The following RIPK4 variants were observed in gnomAD, a reference collection of about 807,000 sequenced individuals.
The protein encoded by RIPK4 is receptor-interacting serine/threonine-protein kinase 4.
In RIPK4, 17 loss-of-function variants were observed where a neutral mutation model predicts 42.9. The ratio of observed to expected loss-of-function variants is 0.40; its 90% CI spans 0.27 to 0.59. RIPK4 has a LOEUF of 0.59. Among genes scored for constraint, RIPK4 ranks in the 20% least tolerant of loss-of-function variants. RIPK4 has a pLI of 0.47. For missense variants in RIPK4, 897 were observed against 1,104.4 expected, an observed-to-expected ratio of 0.81 and a Z score of 2.66; for synonymous variants, 498 against 499.1, an observed-to-expected ratio of 1.00 and a Z score of 0.03.
chr21:41,741,783 C>A lies in RIPK4; in HGVS notation c.1410G>T (p.Arg470Ser). 1 of 1,611,454 alleles carries A rather than the reference C, an allele frequency of 6.2e-7. No homozygotes were observed. Among genetic ancestry groups the A allele is most frequent in the Non-Finnish European group, 8.5e-7 (1 of 1,180,020 alleles). ...CGGCCATGTGCAACGGGGTGGAGCC[C>A]CTACGGTTGCTCAGGTTGGGGTTGG... is the stretch of plus-strand genomic sequence containing the variant. ...NNANPNLSNR[R>S]GSTPLHMAVE... Residue 470 changes from arginine (R) to serine (S), a missense_variant, in exon 8 of 8, where the codon AGG (arginine) becomes AGT (serine). Transcript: ENST00000332512.
intron 4 of RIPK4, among the ~76,000 whole-genome samples, chr21:41,748,691 G>A (rs551180443): frequency 2.6e-5 from 4 of 152,306 alleles, no homozygotes; most frequent in Non-Finnish European, 5.9e-5. Context: ...AAACAAAAAA[G>A]AATTAGCTGG....
rs56056485 is a variant in RIPK4 at position 41,741,331 on chromosome 21, C to T, written c.1862G>A (p.Arg621His). 55 of 1,609,012 alleles carry T rather than the reference C, an allele frequency of 3.4e-5. No homozygotes were observed. The highest frequency in any genetic ancestry group is 1.7e-4 in the African/African-American group (13 of 74,850). The stretch of plus-strand genomic sequence containing the variant: ...GTCGGAGCACAGGTCGATGAGGATG[C>T]GGGCCACGCGGTAGTGCCCGCGCTG... Reference protein sequence around the residue: ...AAQRGHYRVARILIDLCSDVN... With the variant: ...AAQRGHYRVAHILIDLCSDVN... The change falls in exon 8 of 8, where the codon CGC (arginine) becomes CAC (histidine). Residue 621 changes from arginine (R) to histidine (H), a missense_variant. Coordinates refer to ENST00000332512, the MANE Select transcript of RIPK4 (RefSeq NM_020639.3).
At chr21:41,750,233 G>A (rs543408296) in intron 3 of RIPK4, among the ~76,000 whole-genome samples, 2 of 152,346 alleles carry the variant, frequency 1.3e-5, no homozygotes, top group South Asian at 4.1e-4. Context: ...CGGGGTCCGA[G>A]TCACAGTGCT....
At chr21:41,766,808 C>G in intron 1 of RIPK4, 52 bp downstream of exon 1, 1 of 1,558,812 alleles carries the variant, frequency 6.4e-7, no homozygotes, top group Non-Finnish European at 8.7e-7. Flanking sequence ...CACCCCGACC[C>G]CGACCCCAGC....
chr21:41,745,616 T>A (rs2061168105), intron 6 of RIPK4, 143 bp downstream of exon 6: 2 of 642,940 alleles, frequency 3.1e-6, no homozygotes, highest in Non-Finnish European at 5.5e-6. Context: ...GGACCTACAC[T>A]TCTAATGGAG....
chr21:41,749,337 C>A, intron 3 of RIPK4, 134 bp from the exon 4 acceptor site: 1 of 822,034 alleles, frequency 1.2e-6, no homozygotes. Context: ...CGAGATATTT[C>A]TCCTGTTTTT....
Position 41,746,882 on chromosome 21 carries a change from C to G in RIPK4, c.674-111G>C, listed in dbSNP as rs541790408. On this transcript the variant is annotated intron_variant, in intron 4 of 7. Transcript: ENST00000332512. ...GGGCCACAATGGGGCCATCCCCACA[C>G]CACCCCAGGGAGACGGCTCCCCCAC... 3.4e-5 allele frequency: 43 copies of G among 1,262,740 alleles called. No individual in the cohort carries two copies. In the African/African-American group the frequency reaches 5.4e-4, roughly 16 times the overall value. 78.2% of individuals were successfully genotyped at this position (1,262,740 alleles called of 1,614,324 possible). A position where few individuals can be genotyped will look rare whatever the true frequency, so the allele number is the denominator to read the frequency against.
intron 1 of RIPK4, among the ~76,000 whole-genome samples, chr21:41,758,023 T>G: frequency 2.2e-5 from 1 of 46,424 alleles, no homozygotes; most frequent in African/African-American, 1.3e-4. Flanking sequence ...AAAAAAAAAA[T>G]ATATATATAT....
chr21:41,752,785 G>A (rs1245774653), intron 2 of RIPK4, among the ~76,000 whole-genome samples: 1 of 152,180 alleles, frequency 6.6e-6, no homozygotes, highest in African/African-American at 2.4e-5. Context: ...AGAACACATG[G>A]ACAGAGGGAG....
At chr21:41,746,027 C>G (rs2061169661) in intron 5 of RIPK4, 165 bp from the exon 6 acceptor site, 1 of 733,962 alleles carries the variant, frequency 1.4e-6, no homozygotes, top group African/African-American at 1.7e-5. Context: ...AATTTGCTGG[C>G]CAAACCCAGG....
chr21:41,742,152 C>T lies in RIPK4; in HGVS notation c.1196-155G>A, dbSNP rs1266512727. Among the ~76,000 whole-genome samples the T allele has an allele frequency of 3.9e-5, 6 of 152,102 alleles. No homozygotes were observed. The highest frequency in any genetic ancestry group is 1.9e-4 in the East Asian group (1 of 5,174). Reference sequence around the variant, plus strand: ...CTGTGTTTGAGCGTTGTCTGTGCCTCGTGATTAAGGTCAGTCCTAGCGGGA... The same window carrying T: ...CTGTGTTTGAGCGTTGTCTGTGCCTTGTGATTAAGGTCAGTCCTAGCGGGA... On this transcript the variant is annotated intron_variant, in intron 7 of 7. Transcript: ENST00000332512. This position sits in a 1 kb window ranked among gnomAD's most constrained non-coding sequence, Gnocchi z 5.1.
chr21:41,749,123 C>A, intron 4 of RIPK4, 31 bp downstream of exon 4: 1 of 1,611,694 alleles, frequency 6.2e-7, no homozygotes, highest in Non-Finnish European at 8.5e-7. Flanking sequence ...GAAAGACAAG[C>A]ACATTACACC....
intron 6 of RIPK4, among the ~76,000 whole-genome samples, chr21:41,744,842 A>C (rs2061165918): frequency 6.6e-6 from 1 of 152,200 alleles, no homozygotes; most frequent in African/African-American, 2.4e-5. Flanking sequence ...GGGGTGATCC[A>C]ATCCGACATA....
chr21:41,758,035 TATATATAGAG>T (rs1348790995), intron 1 of RIPK4, among the ~76,000 whole-genome samples: 12 of 97,292 alleles, frequency 1.2e-4, no homozygotes, highest in African/African-American at 2.8e-4. Context: ...TATATATATA[TATATATAGAG>T]AGAGAGAGAG....
intron 6 of RIPK4, among the ~76,000 whole-genome samples, chr21:41,745,228 C>T (rs1204586293): frequency 1.3e-5 from 2 of 152,218 alleles, no homozygotes; most frequent in African/African-American, 2.4e-5. Flanking sequence ...AATCGCCCAA[C>T]ACCAGATAAC....
chr21:41,742,101 C>T lies in RIPK4; in HGVS notation c.1196-104G>A, dbSNP rs1487140512. ...CGCTCAGGTGGAGGAGTGCCATGGC[C>T]TCCAGGCTGCTCGCTGGTCACCCGA... On this transcript the variant is annotated intron_variant, in intron 7 of 7. Coordinates refer to ENST00000332512, the MANE Select transcript of RIPK4 (RefSeq NM_020639.3). The surrounding 1 kb of genome is among the most constrained non-coding windows in gnomAD (Gnocchi z 5.1). 10 of 989,412 alleles carry T rather than the reference C, an allele frequency of 1.0e-5. No homozygotes were observed. Among genetic ancestry groups the T allele is most frequent in the Non-Finnish European group, 1.5e-5 (10 of 665,854 alleles). 61.3% of individuals were successfully genotyped at this position (989,412 alleles called of 1,614,324 possible).
In RIPK4 at chr21:41,740,167, A is replaced by G. The variant is rs1380736833; in HGVS notation, c.*671T>C. On this transcript the variant is annotated 3_prime_UTR_variant, in exon 8 of 8. Coordinates refer to ENST00000332512, the MANE Select transcript of RIPK4 (RefSeq NM_020639.3). ...TTGTCCACAAGGACTCACCCAAGTA[A>G]TAGACTGGAATGGTTAAGAGCTGGC... is the stretch of plus-strand genomic sequence containing the variant. 2 of 152,222 alleles carry G rather than the reference A, an allele frequency of 1.3e-5. No individual in the cohort carries two copies. Among genetic ancestry groups the G allele is most frequent in the East Asian group, 3.9e-4 (2 of 5,194 alleles). The allele number at this position is 152,222 out of a possible 1,614,324, so 9.4% of individuals were successfully genotyped here. A position where few individuals can be genotyped will look rare whatever the true frequency, so the allele number is the denominator to read the frequency against.
Position 41,759,963 on chromosome 21 carries a change from C to T in RIPK4, c.183-3147G>A, listed in dbSNP as rs147397587. 2.7e-3 allele frequency among the ~76,000 whole-genome samples: 407 copies of T among 152,324 alleles called. 8 individuals carry two copies. In the East Asian group the frequency reaches 0.042, roughly 16 times the overall value. On this transcript the variant is annotated intron_variant, in intron 1 of 7. Transcript: ENST00000332512. Reference sequence around the variant, plus strand: ...TGCAAGCCCTGCAGCTAGGGCTCTGCGTCTCAGGACATAGCCCACTGGTTC... The same window carrying T: ...TGCAAGCCCTGCAGCTAGGGCTCTGTGTCTCAGGACATAGCCCACTGGTTC...
Position 41,739,688 on chromosome 21 carries a change from G to A in RIPK4, c.*1150C>T, listed in dbSNP as rs990890329. 6.6e-6 allele frequency: 1 copy of A among 152,220 alleles called. No individual in the cohort carries two copies. Among genetic ancestry groups the A allele is most frequent in the Non-Finnish European group, 1.5e-5 (1 of 68,036 alleles). The allele number at this position is 152,220 out of a possible 1,614,324, so 9.4% of individuals were successfully genotyped here. ...GGGACACAGGTGACAGTGAAGTTACGAGGCTAGATGGCCACATCTTTTACA... is the reference window on the plus strand; with the variant it reads ...GGGACACAGGTGACAGTGAAGTTACAAGGCTAGATGGCCACATCTTTTACA... On this transcript the variant is annotated 3_prime_UTR_variant, in exon 8 of 8. Coordinates refer to ENST00000332512, the MANE Select transcript of RIPK4 (RefSeq NM_020639.3).
Sources: gnomAD v4.1 joint callset for allele counts (sites outside exome capture counted in the v4.1 genomes callset) on GRCh38, gnomAD v4.1.1 for gene constraint, Gnocchi (gnomAD v3.1) non-coding constraint, MANE v1.5 for transcripts, NCBI Gene and HGNC (gene_info 2026-07-23, HGNC 2026-07-21) for gene names.